The following HTT variants were observed in gnomAD, a reference collection of about 807,000 sequenced individuals.
The protein encoded by HTT is huntington disease protein.
A neutral mutation model predicts 362.3 loss-of-function variants in HTT; 104 were observed. That is an observed-to-expected ratio of 0.29 (90% CI 0.24 to 0.34). The LOEUF is 0.34. Among genes scored for constraint, HTT ranks in the 10% least tolerant of loss-of-function variants. The pLI is 1.00. For missense variants in HTT, 3,301 were observed against 3,928.6 expected (o/e 0.84, Z 4.27); for synonymous variants, 1,577 against 1,548.7 (o/e 1.02, Z -0.43).
Position 3,228,895 on chromosome 4 carries a change from A to G in HTT, c.7995A>G (p.Gly2665=). 2 of 1,613,432 alleles carry G rather than the reference A, an allele frequency of 1.2e-6. No homozygotes were observed. The highest frequency in any genetic ancestry group is 1.7e-6 in the Non-Finnish European group (2 of 1,179,520). ...TATTCCACAGGAAACACCGGGCTGG[A>G]GTTGACATCCACTCCTGTTCGCAGT... ...SPVNSRKHRA[G]VDIHSCSQFL... is the part of the protein sequence containing the mutation. The change falls in exon 59 of 67, where the codon GGA becomes GGG. Residue 2665 remains glycine, a synonymous_variant. Coordinates refer to ENST00000355072, the MANE Select transcript of HTT (RefSeq NM_001388492.1). This position sits in a 1 kb window ranked among gnomAD's most constrained non-coding sequence, Gnocchi z 4.3.
intron 22 of HTT, among the ~76,000 whole-genome samples, chr4:3,142,253 T>A (rs751590595): frequency 6.6e-6 from 1 of 152,214 alleles, no homozygotes; most frequent in Non-Finnish European, 1.5e-5. Flanking sequence ...GACAAGACAC[T>A]GTGAGGGATA....
chr4:3,165,732 A>G (rs1717670291), intron 29 of HTT, among the ~76,000 whole-genome samples: 1 of 151,892 alleles, frequency 6.6e-6, no homozygotes, highest in South Asian at 2.1e-4. Flanking sequence ...ATACTTCACA[A>G]AATTCTCGTT....
At chr4:3,123,095 A>T (rs1715366251) in intron 10 of HTT, 159 bp downstream of exon 10, 6 of 472,010 alleles carry the variant, frequency 1.3e-5, no homozygotes, top group Non-Finnish European at 2.2e-5. Context: ...CTGGAATCTG[A>T]TAACCAGGCC....
At position 3,105,341 on chromosome 4, in the gene HTT, C is replaced by T; in HGVS notation, c.529-16C>T. On this transcript the variant is annotated splice_polypyrimidine_tract_variant and intron_variant, in intron 4 of 66. Coordinates refer to ENST00000355072, the MANE Select transcript of HTT (RefSeq NM_001388492.1). ...AGTATGTGACTCTTAATGCAACCCT[C>T]ATTGCACCCCCTCAGAATGGTGCCC... 2 of 1,589,592 alleles carry T rather than the reference C, an allele frequency of 1.3e-6. No individual in the cohort carries two copies. Among genetic ancestry groups the T allele is most frequent in the Non-Finnish European group, 1.7e-6 (2 of 1,157,610 alleles).
At chr4:3,160,590 T>A (rs1024902381) in intron 29 of HTT, among the ~76,000 whole-genome samples, 198 bp downstream of exon 29, 1 of 152,208 alleles carries the variant, frequency 6.6e-6, no homozygotes, top group Non-Finnish European at 1.5e-5. Context: ...TCTATTTGTA[T>A]TCTATTTTTG....
intron 28 of HTT, among the ~76,000 whole-genome samples, chr4:3,159,961 A>AT (rs1391315252): frequency 6.6e-6 from 1 of 152,248 alleles, no homozygotes; most frequent in African/African-American, 2.4e-5. Flanking sequence ...GATATACCAC[A>AT]TACCAGATAC....
At chr4:3,132,021 A>G (rs1715845658) in intron 16 of HTT, among the ~76,000 whole-genome samples, 2 of 152,190 alleles carry the variant, frequency 1.3e-5, no homozygotes, top group African/African-American at 2.4e-5. Flanking sequence ...ATATATACAC[A>G]TCGGATTTAA....
chr4:3,144,020 A>C (rs1273652472), intron 23 of HTT, among the ~76,000 whole-genome samples: 1 of 152,220 alleles, frequency 6.6e-6, no homozygotes, highest in Non-Finnish European at 1.5e-5. Context: ...TGCTTTGGAG[A>C]ATTTTTAACA....
At chr4:3,134,680 C>T (rs904327672) in intron 19 of HTT, 140 bp downstream of exon 19, 4 of 687,560 alleles carry the variant, frequency 5.8e-6, no homozygotes, top group Non-Finnish European at 9.7e-6. Context: ...GTGATTTTCT[C>T]CTCCCAGTGG....
chr4:3,187,538 T>G (rs1208202643), intron 38 of HTT, 113 bp from the exon 39 acceptor site: 4 of 735,322 alleles, frequency 5.4e-6, no homozygotes, highest in Non-Finnish European at 9.4e-6. Flanking sequence ...ATAGAGAGGT[T>G]TATTGGTAGG....
At chr4:3,136,591 TAAG>T (rs1716075214) in intron 21 of HTT, among the ~76,000 whole-genome samples, 1 of 136,374 alleles carries the variant, frequency 7.3e-6, no homozygotes, top group South Asian at 2.3e-4. Flanking sequence ...AGAATAGTAC[TAAG>T]AAGAAAAAAA....
chr4:3,140,087 C>A (rs999894665), intron 21 of HTT, among the ~76,000 whole-genome samples: 1 of 151,880 alleles, frequency 6.6e-6, no homozygotes, highest in Non-Finnish European at 1.5e-5. Flanking sequence ...GTGATGAAAC[C>A]CTGTCTCTAC....
chr4:3,228,757 G>A lies in HTT; in HGVS notation c.7979+12G>A, dbSNP rs374355330. 1.3e-6 allele frequency: 2 copies of A among 1,571,626 alleles called. No individual in the cohort carries two copies. Among genetic ancestry groups the A allele is most frequent in the South Asian group, 2.3e-5 (2 of 85,876 alleles). ...CCAGTCAACTCCAGGTTTTCCAATG[G>A]CCTTTTTCTTTTTAACAGAAATTTG... is the stretch of plus-strand genomic sequence containing the variant. On this transcript the variant is annotated intron_variant, in intron 58 of 66. Transcript: ENST00000355072. The surrounding 1 kb of genome is among the most constrained non-coding windows in gnomAD (Gnocchi z 4.3).
rs547233813 is a variant in HTT, at chr4:3,074,966, G to GCCT, written c.146_148dup (p.Pro49dup). 0.01 allele frequency: 14,983 copies of GCCT among 1,450,560 alleles called. 428 individuals are homozygous for GCCT. Among genetic ancestry groups the GCCT allele is most frequent in the Middle Eastern group, 0.034 (136 of 4,058 alleles). 89.9% of individuals were successfully genotyped at this position (1,450,560 alleles called of 1,614,324 possible). A position where few individuals can be genotyped will look rare whatever the true frequency, so the allele number is the denominator to read the frequency against. Reference sequence around the variant, plus strand: ...CGCCACCGCCGCCGCCGCCGCCGCCGCCTCCTCAGCTTCCTCAGCCGCCGC... The same window carrying GCCT: ...CGCCACCGCCGCCGCCGCCGCCGCCGCCTCCTCCTCAGCTTCCTCAGCCGCCGC... On this transcript the variant is annotated inframe_insertion, in exon 1 of 67. Coordinates refer to ENST00000355072, the MANE Select transcript of HTT (RefSeq NM_001388492.1).
At chr4:3,193,618 G>A (rs1719117075) in intron 40 of HTT, among the ~76,000 whole-genome samples, 2 of 152,212 alleles carry the variant, frequency 1.3e-5, no homozygotes, top group Admixed American at 6.5e-5. Flanking sequence ...TGTTACTGTT[G>A]AAGTGTTGTC....
At position 3,199,629 on chromosome 4, in the gene HTT, G is replaced by A. The variant is rs932652238; in HGVS notation, c.5369-103G>A. 2.6e-5 allele frequency: 25 copies of A among 975,908 alleles called. No homozygotes were observed. The South Asian group carries it at 3.2e-4, about 13-fold the overall frequency. 60.5% of individuals were successfully genotyped at this position (975,908 alleles called of 1,614,324 possible). On this transcript the variant is annotated intron_variant, in intron 40 of 66. Transcript: ENST00000355072. The stretch of plus-strand genomic sequence containing the variant: ...AGGTGTTCTGAATACGTAAGTATGG[G>A]AGACGACTCAGCCTGTTTCATTTTT...
rs61790487 is a variant in HTT, at chr4:3,218,268, G to A, written c.7242+316G>A. Among the ~76,000 whole-genome samples, 604 of 152,356 alleles carry A rather than the reference G, an allele frequency of 4.0e-3. 10 individuals carry two copies. The Middle Eastern group carries it at 0.048, about 12-fold the overall frequency. On this transcript the variant is annotated intron_variant, in intron 52 of 66. Coordinates refer to ENST00000355072, the MANE Select transcript of HTT (RefSeq NM_001388492.1). This position sits in a 1 kb window ranked among gnomAD's most constrained non-coding sequence, Gnocchi z 4.4. ...CCAGAAACCACACCCCCTCGAGTGA[G>A]TGAGATTTTCCTTTGGAGATAATTC...
intron 20 of HTT, 116 bp from the exon 21 acceptor site, chr4:3,136,110 A>T (rs980474626): frequency 3.4e-6 from 3 of 888,010 alleles, no homozygotes; most frequent in Non-Finnish European, 5.3e-6. Context: ...TAATCTTGTC[A>T]TATGGATTTA....
Position 3,186,581 on chromosome 4 carries a change from G to A in HTT, c.4867-16G>A, listed in dbSNP as rs748856693. 6.2e-7 allele frequency: 1 copy of A among 1,611,638 alleles called. No individual in the cohort carries two copies. Among genetic ancestry groups the A allele is most frequent in the South Asian group, 1.1e-5 (1 of 91,018 alleles). On this transcript the variant is annotated splice_polypyrimidine_tract_variant and intron_variant, in intron 37 of 66. Transcript: ENST00000355072. ...TTTGGCTTACGTAGAAATGTTTGTG[G>A]TGTCTAATTCCACAGATGCACATTG...
Sources: gnomAD v4.1 joint callset for allele counts (sites outside exome capture counted in the v4.1 genomes callset) on GRCh38, gnomAD v4.1.1 for gene constraint, Gnocchi (gnomAD v3.1) non-coding constraint, MANE v1.5 for transcripts, NCBI Gene and HGNC (gene_info 2026-07-23, HGNC 2026-07-21) for gene names.